The following CNOT6L variants were observed in gnomAD, a reference collection of about 807,000 sequenced individuals.
CNOT6L encodes CCR4-NOT transcription complex subunit 6-like.
In CNOT6L, 7 loss-of-function variants were observed where a neutral mutation model predicts 64.0. The ratio of observed to expected loss-of-function variants is 0.11; its 90% confidence interval spans 0.06 to 0.21. CNOT6L has a LOEUF of 0.21. Ranked by LOEUF, CNOT6L falls within the 10% of genes least tolerant of loss-of-function variation. CNOT6L has a pLI of 1.00. For synonymous variants in CNOT6L, 193 were observed against 243.4 expected, an observed-to-expected ratio of 0.79 and a Z score of 1.93; for missense variants, 245 against 669.0, an observed-to-expected ratio of 0.37 and a Z score of 6.99.
rs1720905941 is a variant in CNOT6L at position 77,717,813 on chromosome 4, T to C, written c.*2618A>G. 6.6e-6 allele frequency: 1 copy of C among 152,550 alleles called. No homozygotes were observed. Among genetic ancestry groups the C allele is most frequent in the South Asian group, 2.1e-4 (1 of 4,830 alleles). 9.4% of individuals were successfully genotyped at this position (152,550 alleles called of 1,614,324 possible). A position where few individuals can be genotyped will look rare whatever the true frequency, so the allele number is the denominator to read the frequency against. ...TAAAGGGAAACCGTGCACATGAAAT[T>C]TGGGTTACCATGCCCCAAGTGTGTA... On this transcript the variant is annotated 3_prime_UTR_variant, in exon 12 of 12. Transcript: ENST00000504123.
Position 77,744,809 on chromosome 4 carries a change from T to C in CNOT6L, c.626A>G (p.Tyr209Cys), listed in dbSNP as rs1724013721. ...DKYATRQLYGYCPSWALNWEY... is the reference protein window; with the variant it reads ...DKYATRQLYGCCPSWALNWEY... The stretch of plus-strand genomic sequence containing the variant: ...CCAGTTTAATGCCCAGGATGGGCAA[T>C]AGCCATATAGCTGCCGGGTAGCGTA... The change falls in exon 7 of 12, where the codon TAT becomes TGT. Residue 209 changes from tyrosine (Y) to cysteine (C), a missense_variant. By Grantham distance (194) the Tyr-to-Cys change is radical. Around this residue, in one of 10 missense-constraint regions of CNOT6L, gnomAD observed 94 missense variants for 290.9 expected, o/e 0.32. Transcript: ENST00000504123. 6.2e-7 allele frequency: 1 copy of C among 1,613,506 alleles called. No homozygotes were observed.
At chr4:77,771,057 C>A (rs936006917) in intron 4 of CNOT6L, among the ~76,000 whole-genome samples, 1 of 152,192 alleles carries the variant, frequency 6.6e-6, no homozygotes, top group Non-Finnish European at 1.5e-5. Flanking sequence ...CAGTGGCTCA[C>A]GCCTGTAATC....
chr4:77,773,626 CTGAATACT>C (rs1449490604), intron 3 of CNOT6L, among the ~76,000 whole-genome samples: 1 of 151,964 alleles, frequency 6.6e-6, no homozygotes, highest in African/African-American at 2.4e-5. Context: ...TTTTAAGTAA[CTGAATACT>C]ACTCTAATCA....
intron 8 of CNOT6L, among the ~76,000 whole-genome samples, chr4:77,738,820 C>T (rs1435255131): frequency 6.7e-6 from 1 of 148,624 alleles, no homozygotes; most frequent in African/African-American, 2.5e-5. Flanking sequence ...ATATAAGAAA[C>T]ATATGCATAT....
intron 1 of CNOT6L, among the ~76,000 whole-genome samples, chr4:77,798,718 C>G (rs1731159226): frequency 6.6e-6 from 1 of 152,008 alleles, no homozygotes; most frequent in Non-Finnish European, 1.5e-5. Context: ...GGCACGGTGG[C>G]TCACACGTAT....
chr4:77,810,548 G>A (rs1018501665), intron 1 of CNOT6L, among the ~76,000 whole-genome samples: 1 of 151,928 alleles, frequency 6.6e-6, no homozygotes, highest in Non-Finnish European at 1.5e-5. Context: ...ATATATATGG[G>A]ATACACAGTG....
At chr4:77,801,883 T>C (rs561893522) in intron 1 of CNOT6L, among the ~76,000 whole-genome samples, 2 of 152,170 alleles carry the variant, frequency 1.3e-5, no homozygotes, top group African/African-American at 2.4e-5. Context: ...CTGGGCAATA[T>C]AGCAAAAACT....
chr4:77,783,620 G>C (rs1221070713), intron 1 of CNOT6L, among the ~76,000 whole-genome samples: 2 of 152,126 alleles, frequency 1.3e-5, no homozygotes, highest in Non-Finnish European at 2.9e-5. Context: ...AGAATAGGTG[G>C]AGAGAACAGA....
intron 8 of CNOT6L, among the ~76,000 whole-genome samples, chr4:77,737,403 G>GTTTTTTTTTTTTTTTTTTTTT (rs1723076948): frequency 8.6e-6 from 1 of 116,044 alleles, no homozygotes; most frequent in African/African-American, 3.4e-5. Flanking sequence ...TATTTGTACC[G>GTTTTTTTTTTTTTTTTTTTTT]TTCTTTTTTT....
intron 10 of CNOT6L, among the ~76,000 whole-genome samples, chr4:77,726,922 C>T (rs1325996966): frequency 6.6e-6 from 1 of 152,114 alleles, no homozygotes; most frequent in East Asian, 1.9e-4. Flanking sequence ...CACTATAAAG[C>T]ATATTATATG....
intron 1 of CNOT6L, among the ~76,000 whole-genome samples, chr4:77,800,091 T>G (rs1731343281): frequency 6.6e-6 from 1 of 152,234 alleles, no homozygotes; most frequent in South Asian, 2.1e-4. Context: ...TTCAAGAAAT[T>G]GGTTTTAATT....
intron 1 of CNOT6L, among the ~76,000 whole-genome samples, chr4:77,792,969 A>G (rs1235742143): frequency 6.6e-6 from 1 of 150,894 alleles, no homozygotes; most frequent in Non-Finnish European, 1.5e-5. Context: ...GGAATCTAGT[A>G]GGCAGAGGTC....
chr4:77,737,837 G>T (rs965390704), intron 8 of CNOT6L, among the ~76,000 whole-genome samples: 2 of 152,074 alleles, frequency 1.3e-5, no homozygotes, highest in Non-Finnish European at 2.9e-5. Context: ...GTAGTACAAA[G>T]TCGTAATGTT....
At position 77,786,184 on chromosome 4, in the gene CNOT6L, C is replaced by T. The variant is rs540387272; in HGVS notation, c.6-9792G>A. Among the ~76,000 whole-genome samples, 32 of 151,828 alleles carry T rather than the reference C, an allele frequency of 2.1e-4. No individual in the cohort carries two copies. The South Asian group carries it at 2.3e-3, about 11-fold the overall frequency. On this transcript the variant is annotated intron_variant, in intron 1 of 11. Coordinates refer to ENST00000504123, the MANE Select transcript of CNOT6L (RefSeq NM_144571.3). ...TAATTCCAGCTACTGGGGAAGCTAA[C>T]GCAGGGGAATCACTTAAACCCGGGA...
intron 8 of CNOT6L, among the ~76,000 whole-genome samples, chr4:77,737,403 GTTCTTTT>G (rs1723079444): frequency 1.7e-5 from 2 of 116,048 alleles, no homozygotes; most frequent in African/African-American, 6.7e-5. Context: ...TATTTGTACC[GTTCTTTT>G]TTTTTTTTTT....
upstream of CNOT6L, among the ~76,000 whole-genome samples, chr4:77,820,017 C>T (rs1734106039): frequency 1.3e-5 from 2 of 152,046 alleles, no homozygotes; most frequent in Non-Finnish European, 2.9e-5. Flanking sequence ...CCACGCAGAG[C>T]CTGGCCTTGG....
At chr4:77,726,013 AC>A in intron 11 of CNOT6L, 153 bp downstream of exon 11, 1 of 661,056 alleles carries the variant, frequency 1.5e-6, no homozygotes, top group Non-Finnish European at 2.6e-6. Flanking sequence ...AACCCAATAA[AC>A]CTACTTATAT....
chr4:77,738,024 GA>G (rs1723169707), intron 8 of CNOT6L, among the ~76,000 whole-genome samples: 1 of 152,050 alleles, frequency 6.6e-6, no homozygotes, highest in Admixed American at 6.6e-5. Context: ...ATTTTGGAAT[GA>G]TACTATGACC....
intron 1 of CNOT6L, among the ~76,000 whole-genome samples, chr4:77,781,338 A>C (rs915344916): frequency 1.3e-5 from 2 of 152,188 alleles, no homozygotes; most frequent in African/African-American, 4.8e-5. Flanking sequence ...CCCAGAACTT[A>C]AAGTAAAATT....
Sources: allele counts gnomAD v4.1 joint callset (sites outside exome capture counted in the v4.1 genomes callset), GRCh38; gene constraint gnomAD v4.1.1; regional missense constraint gnomAD v4.1.1; transcripts MANE v1.5; gene names NCBI Gene and HGNC (gene_info 2026-07-23, HGNC 2026-07-21).